The following BICD1 variants were observed in gnomAD, a reference collection of about 807,000 sequenced individuals.
BICD1 encodes protein bicaudal D homolog 1.
BICD1 carries 35 observed loss-of-function variants against 92.5 expected under a neutral mutation model. The observed-to-expected ratio is 0.38, with a 90% CI of 0.29 to 0.50. The LOEUF (loss-of-function observed/expected upper bound fraction) is 0.50. BICD1 is among the 20% of genes least tolerant of loss of function. The pLI is 0.93. For missense variants in BICD1, 950 were observed against 1,189.8 expected (o/e 0.80, Z 2.97); for synonymous variants, 429 against 465.1 (o/e 0.92, Z 1.00).
At chr12:32,110,147 T>C (rs1288302940) in intron 1 of BICD1, among the ~76,000 whole-genome samples, 1 of 152,236 alleles carries the variant, frequency 6.6e-6, no homozygotes, top group African/African-American at 2.4e-5. Flanking sequence ...TCTTTGCAGA[T>C]CATTTTGTTT....
intron 1 of BICD1, among the ~76,000 whole-genome samples, chr12:32,190,272 A>G (rs1944530000): frequency 6.6e-6 from 1 of 152,248 alleles, no homozygotes; most frequent in Non-Finnish European, 1.5e-5. Context: ...AAATGGATTG[A>G]ATTCCCCAAC....
In BICD1 at chr12:32,360,662, G is replaced by T. The variant is rs187108770; in HGVS notation, c.2765-7008G>T. Among the ~76,000 whole-genome samples the T allele has an allele frequency of 2.3e-3, 356 of 152,196 alleles. 1 individual carries two copies. Among genetic ancestry groups the T allele is most frequent in the African/African-American group, 8.3e-3 (345 of 41,520 alleles). ...TTTTAATATTCTTGAGACAAATAGA[G>T]AAATCAATTCTAGAGGATAATATAA... On this transcript the variant is annotated intron_variant, in intron 8 of 9. Transcript: ENST00000652176.
At chr12:32,153,504 A>G (rs1467808989) in intron 1 of BICD1, among the ~76,000 whole-genome samples, 1 of 152,164 alleles carries the variant, frequency 6.6e-6, no homozygotes, top group East Asian at 1.9e-4. Flanking sequence ...AGAACATTAA[A>G]TCAGTTAAGA....
At chr12:32,180,326 T>C (rs1944235266) in intron 1 of BICD1, among the ~76,000 whole-genome samples, 1 of 151,760 alleles carries the variant, frequency 6.6e-6, no homozygotes, top group Non-Finnish European at 1.5e-5. Flanking sequence ...TCTTCTTGAA[T>C]GTCCTCTGGA....
rs73076221 is a variant in BICD1 at position 32,179,007 on chromosome 12, C to T, written c.214-37240C>T. Among the ~76,000 whole-genome samples the T allele has an allele frequency of 1.6e-3, 242 of 152,096 alleles. 3 individuals are homozygous for T. The highest frequency in any genetic ancestry group is 3.4e-3 in the Middle Eastern group (1 of 294). On this transcript the variant is annotated intron_variant, in intron 1 of 9. Transcript: ENST00000652176. Reference sequence around the variant, plus strand: ...GTTCCTTGGTTAAAACAGCATTGCACTTTTAACAGAGCGGCCACCTTTTTC... The same window carrying T: ...GTTCCTTGGTTAAAACAGCATTGCATTTTTAACAGAGCGGCCACCTTTTTC...
chr12:32,249,934 T>C (rs1048549581), intron 2 of BICD1, among the ~76,000 whole-genome samples: 9 of 150,796 alleles, frequency 6.0e-5, no homozygotes, highest in Non-Finnish European at 1.2e-4. Context: ...GCTTCTGGGG[T>C]TGGCATACCA....
chr12:32,335,580 CTT>C (rs11423390), intron 6 of BICD1, among the ~76,000 whole-genome samples: 23 of 131,852 alleles, frequency 1.7e-4, no homozygotes, highest in Admixed American at 1.5e-4. Flanking sequence ...AAAAGACCTA[CTT>C]TTTTTTTTTT....
chr12:32,348,543 C>T (rs187640226), intron 8 of BICD1, among the ~76,000 whole-genome samples: 1 of 150,436 alleles, frequency 6.6e-6, no homozygotes, highest in South Asian at 2.1e-4. Flanking sequence ...TTATGTTCAC[C>T]TAAGTCCACC....
chr12:32,348,726 ATAT>A (rs1938736649), intron 8 of BICD1, among the ~76,000 whole-genome samples: 9 of 3,770 alleles, frequency 2.4e-3, no homozygotes, highest in South Asian at 9.6e-3. Flanking sequence ...ACACAAAAAT[ATAT>A]ATATATATAT....
intron 1 of BICD1, among the ~76,000 whole-genome samples, chr12:32,187,918 C>T (rs908634476): frequency 5.9e-5 from 9 of 151,552 alleles, no homozygotes; most frequent in Non-Finnish European, 1.0e-4. Context: ...CGCTCTGTCA[C>T]GCAGGCTGGA....
At chr12:32,235,978 G>A (rs1003382546) in intron 2 of BICD1, among the ~76,000 whole-genome samples, 3 of 151,630 alleles carry the variant, frequency 2.0e-5, no homozygotes, top group Admixed American at 1.3e-4. Flanking sequence ...GATTACAGGC[G>A]TGAGCCACTG....
At chr12:32,113,459 GC>G (rs902645342) in intron 1 of BICD1, among the ~76,000 whole-genome samples, 6 of 152,012 alleles carry the variant, frequency 3.9e-5, no homozygotes, top group African/African-American at 1.4e-4. Flanking sequence ...ACAGCTCACC[GC>G]AACCTTAACT....
At chr12:32,300,103 A>G (rs982786017) in intron 3 of BICD1, among the ~76,000 whole-genome samples, 11 of 151,568 alleles carry the variant, frequency 7.3e-5, no homozygotes, top group Admixed American at 6.6e-5. Flanking sequence ...CGGAGGACAT[A>G]CTATTTTTTT....
rs954257737 is a variant in BICD1 at position 32,377,741 on chromosome 12, A to T, written c.*114A>T. The stretch of plus-strand genomic sequence containing the variant: ...CGGTTGTTAGATGTACAATTGGATT[A>T]ATGTCCATCGTTTTGGAAGACGAGA... On this transcript the variant is annotated 3_prime_UTR_variant, in exon 10 of 10. Coordinates refer to ENST00000652176, the MANE Select transcript of BICD1 (RefSeq NM_001714.4). 2.2e-6 allele frequency: 2 copies of T among 908,062 alleles called. No individual in the cohort carries two copies. Among genetic ancestry groups the T allele is most frequent in the African/African-American group, 3.3e-5 (2 of 60,486 alleles). The allele number at this position is 908,062 out of a possible 1,614,324, so 56.3% of individuals were successfully genotyped here.
rs201426351 is a variant in BICD1, at chr12:32,327,907, G to A, written c.1452G>A (p.Glu484=). The A allele has an allele frequency of 1.9e-6, 3 of 1,614,166 alleles. No homozygotes were observed. Among genetic ancestry groups the A allele is most frequent in the Non-Finnish European group, 2.5e-6 (3 of 1,180,038 alleles). Residue 484 remains glutamate, a synonymous_variant, in exon 5 of 10, where the codon GAG becomes GAA. Coordinates refer to ENST00000652176, the MANE Select transcript of BICD1 (RefSeq NM_001714.4). Reference sequence around the variant, plus strand: ...GTGGTGAGAAGATGGCCCACATGGAGAAGGAGTTGCAAAAGATGACCAGCA... The same window carrying A: ...GTGGTGAGAAGATGGCCCACATGGAAAAGGAGTTGCAAAAGATGACCAGCA... ...KESGEKMAHM[E]KELQKMTSIA...
At chr12:32,373,226 A>AT (rs1460166743) in intron 9 of BICD1, among the ~76,000 whole-genome samples, 9 of 152,234 alleles carry the variant, frequency 5.9e-5, no homozygotes, top group Non-Finnish European at 1.3e-4. Context: ...TCTTGAAAAT[A>AT]TTTAGCAATC....
chr12:32,251,581 C>T (rs1029335934), intron 2 of BICD1, among the ~76,000 whole-genome samples: 9 of 152,070 alleles, frequency 5.9e-5, no homozygotes, highest in African/African-American at 2.2e-4. Flanking sequence ...ATTTTTATCA[C>T]CTAATTGTAT....
At chr12:32,278,158 A>G (rs754185869) in intron 2 of BICD1, among the ~76,000 whole-genome samples, 1 of 152,224 alleles carries the variant, frequency 6.6e-6, no homozygotes, top group Non-Finnish European at 1.5e-5. Flanking sequence ...TCCAGCCTTC[A>G]CCATTATTGC....
chr12:32,366,636 A>C (rs543614495), intron 8 of BICD1, among the ~76,000 whole-genome samples: 1 of 152,064 alleles, frequency 6.6e-6, no homozygotes, highest in East Asian at 1.9e-4. Flanking sequence ...ACAAGAGCAA[A>C]ACTCTGTCTC....
Sources: gnomAD v4.1 joint callset for allele counts (sites outside exome capture counted in the v4.1 genomes callset) on GRCh38, gnomAD v4.1.1 for gene constraint, MANE v1.5 for transcripts, NCBI Gene and HGNC (gene_info 2026-07-23, HGNC 2026-07-21) for gene names.